UNC13A: variants seen among roughly 807,000 people sequenced by gnomAD.
UNC13A encodes protein unc-13 homolog A.
UNC13A carries 61 observed loss-of-function variants against 219.7 expected under a neutral mutation model. The ratio of observed to expected loss-of-function variants is 0.28; its 90% CI spans 0.23 to 0.34. UNC13A has a LOEUF of 0.34. Among genes scored for constraint, UNC13A ranks in the 10% least tolerant of loss-of-function variants. The probability of loss-of-function intolerance (pLI) is 1.00; values close to 1 mark genes in which losing one functional copy is unlikely to be tolerated. For missense variants in UNC13A, 1,476 were observed against 2,270.3 expected (o/e 0.65, Z 7.11); for synonymous variants, 920 against 884.6 (o/e 1.04, Z -0.71).
chr19:17,664,995 T>C (rs539943689), intron 7 of UNC13A, among the ~76,000 whole-genome samples: 1 of 152,030 alleles, frequency 6.6e-6, no homozygotes, highest in Admixed American at 6.6e-5. Flanking sequence ...AGGTAAAAAA[T>C]TTGAGACCAG....
intron 43 of UNC13A, among the ~76,000 whole-genome samples, chr19:17,607,328 C>T (rs2076542471): frequency 2.0e-5 from 3 of 151,728 alleles, no homozygotes; most frequent in South Asian, 2.1e-4. Flanking sequence ...GTGGCACAAT[C>T]GCGGCTCACT....
chr19:17,627,850 G>C lies in UNC13A; in HGVS notation c.3831+13C>G. 1 of 1,592,458 alleles carries C rather than the reference G, an allele frequency of 6.3e-7. No homozygotes were observed. The highest frequency in any genetic ancestry group is 8.6e-7 in the Non-Finnish European group (1 of 1,167,906). ...CCCATCCCTTCTCCAGCCCTGCCTC[G>C]GCCCTGCCTCACCTCCTTTCCTCCC... is the stretch of plus-strand genomic sequence containing the variant. On this transcript the variant is annotated intron_variant, in intron 32 of 43. Coordinates refer to ENST00000519716, the MANE Select transcript of UNC13A (RefSeq NM_001080421.3). The surrounding 1 kb of genome is among the most constrained non-coding windows in gnomAD (Gnocchi z 4.7).
Position 17,649,422 on chromosome 19 carries a change from C to T in UNC13A, c.1519-78G>A. On this transcript the variant is annotated intron_variant, in intron 13 of 43. Transcript: ENST00000519716. This position sits in a 1 kb window ranked among gnomAD's most constrained non-coding sequence, Gnocchi z 4.4. ...GAGAATGCCTAGCTGGCCCCCAACC[C>T]CAGGTTGACCATGGGCAGTTCCACA... is the stretch of plus-strand genomic sequence containing the variant. 2 of 1,613,638 alleles carry T rather than the reference C, an allele frequency of 1.2e-6. No individual in the cohort carries two copies. Among genetic ancestry groups the T allele is most frequent in the South Asian group, 1.1e-5 (1 of 91,074 alleles).
At chr19:17,621,717 C>G (rs1384136119) in intron 37 of UNC13A, 115 bp downstream of exon 37, 7 of 1,064,682 alleles carry the variant, frequency 6.6e-6, no homozygotes, top group East Asian at 2.4e-5. Flanking sequence ...GGAGAGCTAT[C>G]TCCTACCCAC....
intron 6 of UNC13A, 121 bp downstream of exon 6, chr19:17,667,996 G>C: frequency 2.0e-6 from 2 of 1,009,808 alleles, no homozygotes; most frequent in Non-Finnish European, 2.9e-6. Flanking sequence ...GTTACAAAGA[G>C]TTAGAAACAG....
chr19:17,639,382 G>A, intron 24 of UNC13A, 54 bp downstream of exon 24: 1 of 1,583,360 alleles, frequency 6.3e-7, no homozygotes, highest in South Asian at 1.1e-5. Context: ...CCTGGGAGCT[G>A]GGGATCCTAG....
In UNC13A at chr19:17,667,706, C is replaced by T. The variant is rs534732818; in HGVS notation, c.468+411G>A. Among the ~76,000 whole-genome samples, 77 of 151,628 alleles carry T rather than the reference C, an allele frequency of 5.1e-4. 2 individuals are homozygous for T. In the South Asian group the frequency reaches 0.015, roughly 29 times the overall value. ...GCCAGGCTGGTCTCGAACTCCTGGC[C>T]TCAAATAATCTGCCCGCCACAGCCT... On this transcript the variant is annotated intron_variant, in intron 6 of 43. Coordinates refer to ENST00000519716, the MANE Select transcript of UNC13A (RefSeq NM_001080421.3).
intron 1 of UNC13A, among the ~76,000 whole-genome samples, chr19:17,679,215 C>T (rs1375180245): frequency 6.6e-6 from 1 of 151,922 alleles, no homozygotes; most frequent in African/African-American, 2.4e-5. Context: ...GCCTGGGCAA[C>T]ATGGTAAAAC....
At chr19:17,625,040 C>T in intron 34 of UNC13A, 88 bp from the exon 35 acceptor site, 1 of 1,537,214 alleles carries the variant, frequency 6.5e-7, no homozygotes, top group Non-Finnish European at 8.8e-7. Flanking sequence ...AGGCATTCCA[C>T]AGATAGGAAA....
At chr19:17,664,877 G>A (rs1030712017) in intron 7 of UNC13A, among the ~76,000 whole-genome samples, 3 of 152,142 alleles carry the variant, frequency 2.0e-5, no homozygotes, top group Non-Finnish European at 2.9e-5. Context: ...GGAGAGCTGT[G>A]AGAGGGGAGA....
intron 39 of UNC13A, 99 bp from the exon 40 acceptor site, chr19:17,618,600 C>CTGAG (rs2076693618): frequency 8.1e-7 from 1 of 1,242,166 alleles, no homozygotes; most frequent in South Asian, 1.3e-5. Context: ...AGGAGCTGGG[C>CTGAG]TGAGGGTCTA....
In UNC13A at chr19:17,606,339, G is replaced by A. The variant is rs1393624573; in HGVS notation, c.4827C>T (p.Asp1609=). The A allele has an allele frequency of 2.6e-6, 4 of 1,545,976 alleles. No individual in the cohort carries two copies. The highest frequency in any genetic ancestry group is 2.0e-5 in the Admixed American group (1 of 51,242). Residue 1609 remains aspartate (D), a synonymous_variant, in exon 44 of 44, where the codon GAC becomes GAT. Transcript: ENST00000519716. ...GCAGCTCATAGCACTCGGGACCCGC[G>A]TCGGCGCTCAGCGTGCTGCGTGGGG... ...NESFQFTLSA[D]AGPECYELQV...
chr19:17,663,381 C>T (rs900967294), intron 8 of UNC13A, 151 bp downstream of exon 8: 1 of 651,974 alleles, frequency 1.5e-6, no homozygotes, highest in African/African-American at 2.0e-5. Context: ...TACAGGAAAG[C>T]TTGAAAGGGG....
At chr19:17,686,603 G>C (rs2080116861) in intron 1 of UNC13A, among the ~76,000 whole-genome samples, 2 of 151,932 alleles carry the variant, frequency 1.3e-5, no homozygotes, top group South Asian at 4.1e-4. Context: ...CCATAGGCCT[G>C]GAGGCTAGGG....
Position 17,621,876 on chromosome 19 carries a change from G to T in UNC13A, c.4204-6C>A. ...TGTTTTCTCAAGAGGTTCCCCTGCA[G>T]AGATAATGTCACAGGGTGATCAACC... On this transcript the variant is annotated splice_region_variant and splice_polypyrimidine_tract_variant and intron_variant, in intron 36 of 43. Coordinates refer to ENST00000519716, the MANE Select transcript of UNC13A (RefSeq NM_001080421.3). 1 of 1,613,954 alleles carries T rather than the reference G, an allele frequency of 6.2e-7. No individual in the cohort carries two copies. Among genetic ancestry groups the T allele is most frequent in the Non-Finnish European group, 8.5e-7 (1 of 1,179,876 alleles).
Position 17,636,030 on chromosome 19 carries a change from A to G in UNC13A, c.3209T>C (p.Leu1070Pro). The G allele has an allele frequency of 6.2e-7, 1 of 1,611,364 alleles. No individual in the cohort carries two copies. Among genetic ancestry groups the G allele is most frequent in the Non-Finnish European group, 8.5e-7 (1 of 1,177,938 alleles). The change falls in exon 26 of 44, where the codon CTC (leucine) becomes CCC (proline). Residue 1070 changes from leucine to proline, a missense_variant. Coordinates refer to ENST00000519716, the MANE Select transcript of UNC13A (RefSeq NM_001080421.3). ...EEDKNSYTPC[L>P]NQFPQELNVG... ...ACACAGATACACAACTCACTGGTTG[A>G]GGCAGGGAGTGTAGGAATTCTTGTC... is the stretch of plus-strand genomic sequence containing the variant.
At chr19:17,660,449 G>A (rs1194676378) in intron 8 of UNC13A, among the ~76,000 whole-genome samples, 5 of 151,714 alleles carry the variant, frequency 3.3e-5, no homozygotes, top group Admixed American at 6.6e-5. Flanking sequence ...GTCTGTTTTC[G>A]GTTCAATTGT....
At chr19:17,614,832 C>CT (rs2076645154) in intron 41 of UNC13A, among the ~76,000 whole-genome samples, 1 of 152,178 alleles carries the variant, frequency 6.6e-6, no homozygotes, top group Non-Finnish European at 1.5e-5. Context: ...CCGCCCCGCC[C>CT]TCCCCCAGGC....
At position 17,674,045 on chromosome 19, in the gene UNC13A, A is replaced by AG; in HGVS notation, c.152+611dup. On this transcript the variant is annotated intron_variant, in intron 3 of 43. Transcript: ENST00000519716. The surrounding 1 kb of genome is among the most constrained non-coding windows in gnomAD (Gnocchi z 5.0). The stretch of plus-strand genomic sequence containing the variant: ...AAACAAACAAACAAAATTGGTGGCA[A>AG]GGCCTGGGAAGGCATGATGCCCTGA... 6.6e-6 allele frequency among the ~76,000 whole-genome samples: 1 copy of AG among 152,372 alleles called. No homozygotes were observed. The highest frequency in any genetic ancestry group is 2.1e-4 in the South Asian group (1 of 4,828).
Sources: allele counts gnomAD v4.1 joint callset (sites outside exome capture counted in the v4.1 genomes callset), GRCh38; gene constraint gnomAD v4.1.1; non-coding constraint Gnocchi (gnomAD v3.1); transcripts MANE v1.5; gene names NCBI Gene and HGNC (gene_info 2026-07-23, HGNC 2026-07-21).